ABCD2: variants seen among roughly 807,000 people sequenced by gnomAD.
The protein encoded by ABCD2 is ATP-binding cassette sub-family D member 2.
ABCD2 carries 36 observed loss-of-function variants against 70.9 expected under a neutral mutation model. The observed-to-expected ratio is 0.51, with a 90% confidence interval of 0.39 to 0.67. The LOEUF (loss-of-function observed/expected upper bound fraction) is 0.67. Ranked by LOEUF, ABCD2 falls within the 30% of genes least tolerant of loss-of-function variation. The pLI is 0.00. For missense variants in ABCD2, 729 were observed against 890.2 expected, an observed-to-expected ratio of 0.82 and a Z score of 2.30; for synonymous variants, 304 against 306.9, an observed-to-expected ratio of 0.99 and a Z score of 0.10.
At chr12:39,602,566 C>A (rs1342157683) in intron 5 of ABCD2, among the ~76,000 whole-genome samples, 1 of 151,988 alleles carries the variant, frequency 6.6e-6, no homozygotes, top group Non-Finnish European at 1.5e-5. Context: ...ATTTTAGGGA[C>A]CTGAGAATTT....
chr12:39,619,076 T>C lies in ABCD2; in HGVS notation c.540A>G (p.Val180=), dbSNP rs1004466724. ...TAAAATAGGTTTCATAGGCGTGGTC[T>C]ACTAGGCGAGTTCTGAAGGCCAAAG... is the stretch of plus-strand genomic sequence containing the variant. ...KLALAFRTRL[V]DHAYETYFTN... The change falls in exon 1 of 10, where the codon GTA becomes GTG. Residue 180 remains valine, a synonymous_variant. Transcript: ENST00000308666. 1.9e-6 allele frequency: 3 copies of C among 1,614,110 alleles called. No homozygotes were observed. Among genetic ancestry groups the C allele is most frequent in the Non-Finnish European group, 2.5e-6 (3 of 1,180,044 alleles).
intron 1 of ABCD2, among the ~76,000 whole-genome samples, chr12:39,618,081 G>A (rs767352985): frequency 2.7e-4 from 32 of 118,816 alleles, no homozygotes; most frequent in Admixed American, 7.8e-4. Context: ...TTTTCATTTT[G>A]TCAAAGTACA....
rs1400383157 is a variant in ABCD2 at position 39,553,992 on chromosome 12, G to A, written c.2143C>T (p.Gln715Ter). 3 of 1,613,202 alleles carry A rather than the reference G, an allele frequency of 1.9e-6. No homozygotes were observed. The African/African-American group carries it at 4.0e-5, about 22-fold the overall frequency. Reference protein sequence around the residue: ...SQLAGIPKMQQRLNELCKILG... With the variant: ...SQLAGIPKMQ The stretch of plus-strand genomic sequence containing the variant: ...ATTTTACATAGTTCATTGAGTCTCT[G>A]CTGCATTTTGGGAATTCCAGCTAGC... Residue 715 changes from glutamine to a stop codon, truncating the protein, a stop_gained, in exon 10 of 10, where the codon CAG (glutamine) becomes TAG (stop). Transcript: ENST00000308666. LOFTEE classifies it high-confidence loss of function.
At chr12:39,575,688 G>T (rs1941506951) in intron 8 of ABCD2, among the ~76,000 whole-genome samples, 1 of 152,098 alleles carries the variant, frequency 6.6e-6, no homozygotes, top group Non-Finnish European at 1.5e-5. Flanking sequence ...TGAGAATGAG[G>T]GAAGGCAGTT....
At chr12:39,561,908 G>A (rs1405536731) in intron 9 of ABCD2, among the ~76,000 whole-genome samples, 5 of 152,014 alleles carry the variant, frequency 3.3e-5, no homozygotes, top group Admixed American at 1.3e-4. Flanking sequence ...ACTACACATG[G>A]AACATTCTCC....
At chr12:39,608,763 T>C (rs1040891435) in intron 2 of ABCD2, among the ~76,000 whole-genome samples, 4 of 151,986 alleles carry the variant, frequency 2.6e-5, no homozygotes, top group African/African-American at 9.7e-5. Context: ...ATAGTATTGA[T>C]CTGGTAATTA....
intron 2 of ABCD2, among the ~76,000 whole-genome samples, chr12:39,613,602 A>T (rs1165744750): frequency 6.6e-6 from 1 of 152,114 alleles, no homozygotes; most frequent in Non-Finnish European, 1.5e-5. Context: ...AAACTTACCC[A>T]TCTTCCTTAT....
At chr12:39,586,343 A>G in intron 6 of ABCD2, 46 bp from the exon 7 acceptor site, 1 of 1,578,072 alleles carries the variant, frequency 6.3e-7, no homozygotes, top group South Asian at 1.2e-5. Flanking sequence ...AAGTCATGAT[A>G]ACTTACTCAG....
At chr12:39,562,032 G>A (rs2120549993) in intron 9 of ABCD2, among the ~76,000 whole-genome samples, 1 of 151,992 alleles carries the variant, frequency 6.6e-6, no homozygotes, top group Admixed American at 6.6e-5. Flanking sequence ...TCAATAAACA[G>A]GAAGAACTTT....
intron 9 of ABCD2, among the ~76,000 whole-genome samples, chr12:39,560,935 C>T (rs1941247986): frequency 6.6e-6 from 1 of 151,860 alleles, no homozygotes; most frequent in Non-Finnish European, 1.5e-5. Flanking sequence ...GGAATCAAAG[C>T]ATATTACTAA....
chr12:39,579,111 C>G (rs185835411), intron 8 of ABCD2, among the ~76,000 whole-genome samples: 44 of 152,238 alleles, frequency 2.9e-4, no homozygotes, highest in Admixed American at 1.3e-3. Flanking sequence ...CCTGTAATCC[C>G]AGCACTTTGG....
At chr12:39,587,096 CA>C (rs1252225633) in intron 6 of ABCD2, among the ~76,000 whole-genome samples, 4 of 151,760 alleles carry the variant, frequency 2.6e-5, no homozygotes, top group Admixed American at 6.6e-5. Flanking sequence ...TCTAAAAATA[CA>C]AAAAAAGATG....
intron 8 of ABCD2, among the ~76,000 whole-genome samples, chr12:39,577,919 G>A (rs1266373151): frequency 1.3e-5 from 2 of 152,094 alleles, no homozygotes; most frequent in Admixed American, 6.6e-5. Context: ...TTTTGATGAA[G>A]TTTGACTTTT....
chr12:39,575,283 C>T (rs1168280186), intron 8 of ABCD2, among the ~76,000 whole-genome samples: 2 of 152,124 alleles, frequency 1.3e-5, no homozygotes, highest in African/African-American at 4.8e-5. Context: ...ATCTTACACT[C>T]CGTTGTCATA....
intron 9 of ABCD2, among the ~76,000 whole-genome samples, chr12:39,555,759 C>A (rs934050002): frequency 2.6e-5 from 4 of 152,144 alleles, no homozygotes; most frequent in African/African-American, 7.2e-5. Flanking sequence ...CAGACAGAAA[C>A]CTGTTGTCCC....
In ABCD2 at chr12:39,603,926, T is replaced by C. The variant is rs1209069848; in HGVS notation, c.1486A>G (p.Arg496Gly). The change falls in exon 5 of 10, where the codon AGG becomes GGG. Residue 496 changes from arginine to glycine, a missense_variant. Coordinates refer to ENST00000308666, the MANE Select transcript of ABCD2 (RefSeq NM_005164.4). Reference protein sequence around the residue: ...ITPAGEVVASRLNFKVEEGMH... With the variant: ...ITPAGEVVASGLNFKVEEGMH... ...TATCATCTTACTTTGAAGTTTAGCCTGGAAGCCACCACTTCTCCTGCTGGT... is the reference window on the plus strand; with the variant it reads ...TATCATCTTACTTTGAAGTTTAGCCCGGAAGCCACCACTTCTCCTGCTGGT... 1.2e-6 allele frequency: 2 copies of C among 1,611,710 alleles called. No homozygotes were observed. Among genetic ancestry groups the C allele is most frequent in the Non-Finnish European group, 1.7e-6 (2 of 1,178,356 alleles).
In ABCD2 at chr12:39,600,668, T is replaced by C; in HGVS notation, c.1549A>G (p.Lys517Glu). 6.2e-7 allele frequency: 1 copy of C among 1,612,700 alleles called. No homozygotes were observed. The highest frequency in any genetic ancestry group is 1.3e-5 in the African/African-American group (1 of 74,986). Residue 517 changes from lysine to glutamate, a missense_variant, in exon 6 of 10, where the codon AAA becomes GAA. Physicochemically the swap from Lys to Glu is moderately conservative, Grantham distance 56. Around this residue, in one of 3 missense-constraint regions of ABCD2, gnomAD observed 289 missense variants for 328.8 expected, o/e 0.88. Transcript: ENST00000308666. The stretch of plus-strand genomic sequence containing the variant: ...CTTAGAATTCTGAAGAGAGAACTTT[T>C]CCCACAACCATTGGGACCAGTTATC... ...LLITGPNGCGKSSLFRILSGL... is the reference protein window; with the variant it reads ...LLITGPNGCGESSLFRILSGL...
intron 1 of ABCD2, among the ~76,000 whole-genome samples, chr12:39,617,434 T>C (rs148665345): frequency 8.0e-4 from 122 of 152,266 alleles, no homozygotes; most frequent in Non-Finnish European, 1.4e-3. Flanking sequence ...AATTAAATGA[T>C]ATTATATGAG....
chr12:39,569,421 G>A lies in ABCD2; in HGVS notation c.2003+4295C>T, dbSNP rs181148805. On this transcript the variant is annotated intron_variant, in intron 9 of 9. Coordinates refer to ENST00000308666, the MANE Select transcript of ABCD2 (RefSeq NM_005164.4). ...AGGCTCCGTGGGCATAGTACCCTCCGAGCCAGGCACGGGATATAATATCCT... is the reference window on the plus strand; with the variant it reads ...AGGCTCCGTGGGCATAGTACCCTCCAAGCCAGGCACGGGATATAATATCCT... Among the ~76,000 whole-genome samples the A allele has an allele frequency of 5.9e-5, 9 of 152,334 alleles. No individual in the cohort carries two copies. In the East Asian group the frequency reaches 1.4e-3, roughly 23 times the overall value.
Sources: allele counts gnomAD v4.1 joint callset (sites outside exome capture counted in the v4.1 genomes callset), GRCh38; gene constraint gnomAD v4.1.1; regional missense constraint gnomAD v4.1.1; transcripts MANE v1.5; gene names NCBI Gene and HGNC (gene_info 2026-07-23, HGNC 2026-07-21).